Variants in CMIP observed in about 807,000 individuals in gnomAD.
The protein encoded by CMIP is C-Maf-inducing protein.
In CMIP, 13 loss-of-function variants were observed where a neutral mutation model predicts 97.3. The ratio of observed to expected loss-of-function variants is 0.13; its 90% confidence interval spans 0.09 to 0.21. The LOEUF (loss-of-function observed/expected upper bound fraction) is 0.21. CMIP is among the 10% of genes least tolerant of loss of function. The pLI is 1.00. For synonymous variants in CMIP, 538 were observed against 436.3 expected, an observed-to-expected ratio of 1.23 and a Z score of -2.91; for missense variants, 847 against 1,024.9, an observed-to-expected ratio of 0.83 and a Z score of 2.37.
intron 1 of CMIP, among the ~76,000 whole-genome samples, chr16:81,449,409 T>C (rs1034582132): frequency 9.2e-5 from 14 of 152,228 alleles, no homozygotes; most frequent in African/African-American, 2.9e-4. Flanking sequence ...ACTTGGACTT[T>C]GTTTAGCACA....
At chr16:81,515,976 C>T (rs907382022) in intron 1 of CMIP, among the ~76,000 whole-genome samples, 3 of 152,208 alleles carry the variant, frequency 2.0e-5, no homozygotes, top group South Asian at 2.1e-4. Flanking sequence ...CCTCTGTCGG[C>T]GCTTCCAGCC....
chr16:81,699,082 C>T (rs1907090485), intron 14 of CMIP, among the ~76,000 whole-genome samples: 1 of 152,126 alleles, frequency 6.6e-6, no homozygotes, highest in African/African-American at 2.4e-5. Flanking sequence ...TGAACCCCAT[C>T]TCTACTAAAA....
At position 81,709,873 on chromosome 16, in the gene CMIP, C is replaced by G. The variant is rs564987678; in HGVS notation, c.*74C>G. ...TCTTGACTAACAGCCGCAGAGCAGC[C>G]GGTCCTGGGGTCCCACCCTGGTGCC... is the stretch of plus-strand genomic sequence containing the variant. On this transcript the variant is annotated 3_prime_UTR_variant, in exon 21 of 21. Coordinates refer to ENST00000537098, the MANE Select transcript of CMIP (RefSeq NM_198390.3). The G allele has an allele frequency of 2.2e-5, 29 of 1,293,120 alleles. No homozygotes were observed. Among genetic ancestry groups the G allele is most frequent in the African/African-American group, 3.2e-5 (2 of 61,868 alleles). 80.1% of individuals were successfully genotyped at this position (1,293,120 alleles called of 1,614,324 possible).
At chr16:81,632,232 A>C (rs775244347) in intron 3 of CMIP, among the ~76,000 whole-genome samples, 1 of 152,168 alleles carries the variant, frequency 6.6e-6, no homozygotes, top group Non-Finnish European at 1.5e-5. Context: ...AACAAAAATA[A>C]AATGCACGTA....
At chr16:81,596,751 T>A (rs1396984254) in intron 1 of CMIP, among the ~76,000 whole-genome samples, 1 of 152,114 alleles carries the variant, frequency 6.6e-6, no homozygotes, top group African/African-American at 2.4e-5. Context: ...ATTTTCCCAA[T>A]AGAGTAGTGA....
chr16:81,639,814 C>T (rs1597180377), intron 3 of CMIP, among the ~76,000 whole-genome samples: 1 of 152,174 alleles, frequency 6.6e-6, no homozygotes, highest in East Asian at 1.9e-4. Flanking sequence ...TGAGGTTGGA[C>T]TCCGTTATTG....
chr16:81,609,153 C>G (rs567757366), intron 2 of CMIP, among the ~76,000 whole-genome samples: 1 of 152,280 alleles, frequency 6.6e-6, no homozygotes, highest in African/African-American at 2.4e-5. Context: ...TTTCTTTTAA[C>G]CCTGTCCCCA....
At chr16:81,471,394 A>G (rs1907535293) in intron 1 of CMIP, among the ~76,000 whole-genome samples, 1 of 148,404 alleles carries the variant, frequency 6.7e-6, no homozygotes, top group South Asian at 2.1e-4. Context: ...ATATGCATAT[A>G]CACGTACAAA....
At chr16:81,689,098 A>G (rs376238224) in intron 10 of CMIP, among the ~76,000 whole-genome samples, 1 of 152,156 alleles carries the variant, frequency 6.6e-6, no homozygotes, top group East Asian at 1.9e-4. Context: ...TGCTATTGTG[A>G]ATAGTGCTGC....
chr16:81,458,253 C>T (rs947596483), intron 1 of CMIP, among the ~76,000 whole-genome samples: 1 of 152,098 alleles, frequency 6.6e-6, no homozygotes, highest in African/African-American at 2.4e-5. Context: ...GGGTCCCTCT[C>T]CTTTTTATAG....
At chr16:81,650,624 G>A (rs528225491) in intron 3 of CMIP, among the ~76,000 whole-genome samples, 2 of 152,242 alleles carry the variant, frequency 1.3e-5, no homozygotes, top group East Asian at 3.9e-4. Context: ...TATTGGCCTA[G>A]GTTTTACGTT....
intron 1 of CMIP, among the ~76,000 whole-genome samples, chr16:81,580,715 C>T (rs111962740): frequency 0.081 from 12,287 of 151,440 alleles, 1,089 homozygotes; most frequent in African/African-American, 0.22. Flanking sequence ...GGATTACAGG[C>T]GTGAGCCACT....
chr16:81,668,618 G>A (rs1365976007), intron 7 of CMIP, among the ~76,000 whole-genome samples: 1 of 152,116 alleles, frequency 6.6e-6, no homozygotes, highest in Non-Finnish European at 1.5e-5. Context: ...CTTTAGTTCC[G>A]GGGGCCTGGT....
At chr16:81,706,940 C>A in intron 19 of CMIP, 74 bp from the exon 20 acceptor site, 1 of 1,329,172 alleles carries the variant, frequency 7.5e-7, no homozygotes. Context: ...TTGAGCTCCT[C>A]CAGCTTGGCC....
In CMIP at chr16:81,710,472, C is replaced by T. The variant is rs1006152133; in HGVS notation, c.*673C>T. ...GGCGTGTAGTACTGTATAAACCAGTCAGCTGTCGGGTTAGTGGTAGTATTA... is the reference window on the plus strand; with the variant it reads ...GGCGTGTAGTACTGTATAAACCAGTTAGCTGTCGGGTTAGTGGTAGTATTA... On this transcript the variant is annotated 3_prime_UTR_variant, in exon 21 of 21. Transcript: ENST00000537098. 1.4e-5 allele frequency: 2 copies of T among 139,872 alleles called. No individual in the cohort carries two copies. The highest frequency in any genetic ancestry group is 3.0e-5 in the Non-Finnish European group (2 of 65,876). The allele number at this position is 139,872 out of a possible 1,614,324, so 8.7% of individuals were successfully genotyped here. A position where few individuals can be genotyped will look rare whatever the true frequency, so the allele number is the denominator to read the frequency against.
chr16:81,692,906 G>C (rs934813558), intron 11 of CMIP, among the ~76,000 whole-genome samples: 2 of 152,176 alleles, frequency 1.3e-5, no homozygotes, highest in Non-Finnish European at 2.9e-5. Context: ...CTTATTCACA[G>C]GTGTGGGCAC....
At chr16:81,704,149 C>G in intron 18 of CMIP, 64 bp downstream of exon 18, 1 of 1,467,110 alleles carries the variant, frequency 6.8e-7, no homozygotes, top group Non-Finnish European at 9.2e-7. Context: ...ACTCTCCTCC[C>G]TATTCCCCCG....
At chr16:81,577,032 C>CACT (rs1383447293) in intron 1 of CMIP, among the ~76,000 whole-genome samples, 15 of 143,808 alleles carry the variant, frequency 1.0e-4, no homozygotes, top group African/African-American at 3.4e-4. Context: ...CTATCACCAT[C>CACT]ACCATCATCA....
intron 1 of CMIP, among the ~76,000 whole-genome samples, chr16:81,485,097 A>G (rs978096660): frequency 6.6e-6 from 1 of 152,154 alleles, no homozygotes; most frequent in African/African-American, 2.4e-5. Context: ...TTTGCTGTGT[A>G]TGGGGCTCAG....
Sources: allele counts gnomAD v4.1 joint callset (sites outside exome capture counted in the v4.1 genomes callset), GRCh38; gene constraint gnomAD v4.1.1; transcripts MANE v1.5; gene names NCBI Gene and HGNC (gene_info 2026-07-23, HGNC 2026-07-21).